TMEM184C: variants seen among roughly 807,000 people sequenced by gnomAD.
TMEM184C encodes the protein transmembrane protein 34.
In TMEM184C, 25 loss-of-function variants were observed where a neutral mutation model predicts 54.5. The observed-to-expected ratio is 0.46, with a 90% confidence interval of 0.33 to 0.64. TMEM184C has a LOEUF of 0.64. Ranked by LOEUF, TMEM184C falls within the 30% of genes least tolerant of loss-of-function variation. The pLI is 0.02. For synonymous variants in TMEM184C, 148 were observed against 181.5 expected (o/e 0.82, Z 1.49); for missense variants, 335 against 520.3 (o/e 0.64, Z 3.46).
chr4:147,632,945 T>A lies in TMEM184C; in HGVS notation c.822T>A (p.Ile274=). 6.2e-7 allele frequency: 1 copy of A among 1,614,070 alleles called. No homozygotes were observed. Among genetic ancestry groups the A allele is most frequent in the East Asian group, 2.2e-5 (1 of 44,884 alleles). ...VIALLVKVGV[I]SEKHTWEWQT... ...CTTTGTTGGTAAAAGTTGGCGTTAT[T>A]TCTGAAAAGCATACGTGGGAATGGC... is the stretch of plus-strand genomic sequence containing the variant. Residue 274 remains isoleucine, a synonymous_variant, in exon 8 of 10, where the codon ATT becomes ATA. Transcript: ENST00000296582.
intron 4 of TMEM184C, 125 bp from the exon 5 acceptor site, chr4:147,628,236 A>T: frequency 1.4e-6 from 1 of 705,572 alleles, no homozygotes; most frequent in Non-Finnish European, 2.4e-6. Context: ...AAGGATGACT[A>T]CATTGAAAGA....
Position 147,617,764 on chromosome 4 carries a change from C to A in TMEM184C, c.-193C>A. The A allele has an allele frequency of 1.5e-6, 1 of 672,436 alleles. No individual in the cohort carries two copies. Among genetic ancestry groups the A allele is most frequent in the Non-Finnish European group, 2.6e-6 (1 of 388,278 alleles). 41.7% of individuals were successfully genotyped at this position (672,436 alleles called of 1,614,324 possible). A position where few individuals can be genotyped will look rare whatever the true frequency, so the allele number is the denominator to read the frequency against. On this transcript the variant is annotated 5_prime_UTR_variant, in exon 1 of 10. Transcript: ENST00000296582. ...TGCTCGCCAATAGCACCCTGAGAGGCTACATTTGCAGAAGCAGCAGCAGCA... is the reference window on the plus strand; with the variant it reads ...TGCTCGCCAATAGCACCCTGAGAGGATACATTTGCAGAAGCAGCAGCAGCA...
chr4:147,626,976 G>A (rs1342132398), intron 4 of TMEM184C, among the ~76,000 whole-genome samples: 1 of 152,224 alleles, frequency 6.6e-6, no homozygotes, highest in East Asian at 1.9e-4. Flanking sequence ...GGGACATCAG[G>A]GCTAGGAGGA....
Position 147,624,948 on chromosome 4 carries a change from GC to G in TMEM184C, c.438del (p.Asp148IlefsTer27), listed in dbSNP as rs1732785673. 1 of 1,613,800 alleles carries G rather than the reference GC, an allele frequency of 6.2e-7. No individual in the cohort carries two copies. The highest frequency in any genetic ancestry group is 1.1e-5 in the South Asian group (1 of 91,082). On this transcript the variant is annotated frameshift_variant, in exon 4 of 10. Coordinates refer to ENST00000296582, the MANE Select transcript of TMEM184C (RefSeq NM_018241.3). LOFTEE classifies it high-confidence loss of function. Reference protein sequence around the residue: ...RYPNLVLILEAKDQQKHFPPL... With the variant: ...RYPNLVLILEXKDQQKHFPPL... ...TCCAAATCTGGTATTAATCCTTGAA[GC>G]CAAAGATCAACAGAAACATTTCCCT...
Position 147,625,023 on chromosome 4 carries a change from G to A in TMEM184C, c.497+14G>A. 1 of 1,611,978 alleles carries A rather than the reference G, an allele frequency of 6.2e-7. No individual in the cohort carries two copies. The highest frequency in any genetic ancestry group is 8.5e-7 in the Non-Finnish European group (1 of 1,178,782). On this transcript the variant is annotated intron_variant, in intron 4 of 9. Transcript: ENST00000296582. The stretch of plus-strand genomic sequence containing the variant: ...GGCTATGGGAGAGTAAGTATGTTTG[G>A]TTTAATTCTTTTATGTTTTGGTTTT...
chr4:147,632,871 A>G, intron 7 of TMEM184C, 32 bp from the exon 8 acceptor site: 1 of 1,588,256 alleles, frequency 6.3e-7, no homozygotes, highest in Non-Finnish European at 8.6e-7. Flanking sequence ...TGCTTGATAT[A>G]GATTTGGCGT....
chr4:147,623,008 A>T (rs1166711731), intron 1 of TMEM184C, among the ~76,000 whole-genome samples: 2 of 152,174 alleles, frequency 1.3e-5, no homozygotes, highest in Non-Finnish European at 1.5e-5. Context: ...AGCAATCATG[A>T]GCCACCTCAC....
rs924013794 is a variant in TMEM184C at position 147,617,851 on chromosome 4, T to G, written c.-106T>G. 34 of 1,542,862 alleles carry G rather than the reference T, an allele frequency of 2.2e-5. No homozygotes were observed. The highest frequency in any genetic ancestry group is 2.8e-5 in the Non-Finnish European group (32 of 1,124,590). ...GTTCGTAAAGTCGCCCGACAGCTTT[T>G]TCTCCGTAGTATGCGAGTTGACAAA... On this transcript the variant is annotated 5_prime_UTR_variant, in exon 1 of 10. Transcript: ENST00000296582.
chr4:147,634,286 T>C lies in TMEM184C; in HGVS notation c.1169T>C (p.Met390Thr). Reference sequence around the variant, plus strand: ...GATGCAATTTCCATTGCTTCTTCTATGCCACCTTCACCCATGGGTCACTAC... The same window carrying C: ...GATGCAATTTCCATTGCTTCTTCTACGCCACCTTCACCCATGGGTCACTAC... Reference protein sequence around the residue: ...SQDAISIASSMPPSPMGHYQG... With the variant: ...SQDAISIASSTPPSPMGHYQG... The change falls in exon 10 of 10, where the codon ATG (methionine) becomes ACG (threonine). Residue 390 changes from methionine (M) to threonine (T), a missense_variant. Met to Thr is a moderately conservative substitution (Grantham distance 81). Coordinates refer to ENST00000296582, the MANE Select transcript of TMEM184C (RefSeq NM_018241.3). 6.2e-7 allele frequency: 1 copy of C among 1,614,234 alleles called. No individual in the cohort carries two copies. The highest frequency in any genetic ancestry group is 8.5e-7 in the Non-Finnish European group (1 of 1,180,040).
At chr4:147,621,515 T>C (rs1732708464) in intron 1 of TMEM184C, among the ~76,000 whole-genome samples, 1 of 152,158 alleles carries the variant, frequency 6.6e-6, no homozygotes, top group Non-Finnish European at 1.5e-5. Flanking sequence ...GAGGTAAACA[T>C]AAAATTAAAA....
intron 7 of TMEM184C, among the ~76,000 whole-genome samples, chr4:147,631,962 C>T (rs899076547): frequency 3.3e-5 from 5 of 151,964 alleles, no homozygotes; most frequent in African/African-American, 1.2e-4. Context: ...GGTGGATCAC[C>T]TGAGGTTGGG....
chr4:147,622,597 TA>T (rs1212616969), intron 1 of TMEM184C, among the ~76,000 whole-genome samples: 1 of 152,128 alleles, frequency 6.6e-6, no homozygotes, highest in Non-Finnish European at 1.5e-5. Flanking sequence ...TCCCCACATA[TA>T]AGTGGGGACT....
chr4:147,630,838 CACT>C (rs1056259578), intron 6 of TMEM184C, among the ~76,000 whole-genome samples: 2 of 152,040 alleles, frequency 1.3e-5, no homozygotes, highest in African/African-American at 4.8e-5. Context: ...TGTTATTCAG[CACT>C]ACACTAGGTT....
intron 5 of TMEM184C, among the ~76,000 whole-genome samples, chr4:147,628,808 G>T (rs1446188235): frequency 6.6e-6 from 1 of 152,074 alleles, no homozygotes; most frequent in African/African-American, 2.4e-5. Context: ...GAATATATTA[G>T]AAGTACTCTA....
chr4:147,632,747 A>G lies in TMEM184C; in HGVS notation c.780-156A>G, dbSNP rs573099397. The G allele has an allele frequency of 9.6e-6, 5 of 522,180 alleles. No individual in the cohort carries two copies. The South Asian group carries it at 1.8e-4, about 19-fold the overall frequency. 32.3% of individuals were successfully genotyped at this position (522,180 alleles called of 1,614,324 possible). A position where few individuals can be genotyped will look rare whatever the true frequency, so the allele number is the denominator to read the frequency against. On this transcript the variant is annotated intron_variant, in intron 7 of 9. Transcript: ENST00000296582. ...AAATGAATTTGTAAAGCAAATTAAT[A>G]TATTTAACATAGAGTTTCTTCAGCA...
rs951665464 is a variant in TMEM184C at position 147,634,510 on chromosome 4, C to G, written c.*76C>G. On this transcript the variant is annotated 3_prime_UTR_variant, in exon 10 of 10. Coordinates refer to ENST00000296582, the MANE Select transcript of TMEM184C (RefSeq NM_018241.3). ...TATCCCATGGATTTTGTGCTTGGGA[C>G]AGACCATAAATGATGGAAAATGTCA... is the stretch of plus-strand genomic sequence containing the variant. 11 of 1,500,220 alleles carry G rather than the reference C, an allele frequency of 7.3e-6. No individual in the cohort carries two copies. The Admixed American group carries it at 2.3e-4, about 31-fold the overall frequency. 92.9% of individuals were successfully genotyped at this position (1,500,220 alleles called of 1,614,324 possible). A position where few individuals can be genotyped will look rare whatever the true frequency, so the allele number is the denominator to read the frequency against.
At chr4:147,623,283 C>T (rs373407835) in intron 1 of TMEM184C, among the ~76,000 whole-genome samples, 1 of 151,846 alleles carries the variant, frequency 6.6e-6, no homozygotes, top group Non-Finnish European at 1.5e-5. Context: ...CCCATCTCTA[C>T]TAAAAATACA....
In TMEM184C at chr4:147,634,341, GACT is replaced by G; in HGVS notation, c.1227_1229del (p.Thr410del). On this transcript the variant is annotated inframe_deletion, in exon 10 of 10. Transcript: ENST00000296582. Reference sequence around the variant, plus strand: ...GGTTTGGACACACTGTGACTCCCCAGACTACACCTACCACAGCTAAGATATCTG... The same window carrying G: ...GGTTTGGACACACTGTGACTCCCCAGACACCTACCACAGCTAAGATATCTG... The G allele has an allele frequency of 6.2e-7, 1 of 1,613,896 alleles. No homozygotes were observed. The highest frequency in any genetic ancestry group is 8.5e-7 in the Non-Finnish European group (1 of 1,179,956).
chr4:147,634,101 T>C (rs1040555446), intron 9 of TMEM184C, 68 bp from the exon 10 acceptor site: 7 of 1,550,800 alleles, frequency 4.5e-6, no homozygotes, highest in Non-Finnish European at 6.1e-6. Flanking sequence ...GTGGGGAGCT[T>C]ATTTTTAGAA....
Sources: allele counts gnomAD v4.1 joint callset (sites outside exome capture counted in the v4.1 genomes callset), GRCh38; gene constraint gnomAD v4.1.1; transcripts MANE v1.5; gene names NCBI Gene and HGNC (gene_info 2026-07-23, HGNC 2026-07-21).